The following SMG6 variants were observed in gnomAD, a reference collection of about 807,000 sequenced individuals.
The protein encoded by SMG6 is SMG6 nonsense mediated mRNA decay factor.
Under a neutral mutation model 142.2 loss-of-function variants are expected in SMG6, and 66 were observed. The observed-to-expected ratio is 0.46, with a 90% CI of 0.38 to 0.57. SMG6 has a LOEUF of 0.57. SMG6 is among the 20% of genes least tolerant of loss of function. The pLI is 0.00. For synonymous variants in SMG6, 779 were observed against 702.4 expected (o/e 1.11, Z -1.72); for missense variants, 1,793 against 1,832.0 (o/e 0.98, Z 0.39).
intron 6 of SMG6, among the ~76,000 whole-genome samples, chr17:2,287,371 GCTA>G (rs2074930727): frequency 6.6e-6 from 1 of 152,110 alleles, no homozygotes; most frequent in Non-Finnish European, 1.5e-5. Context: ...CACTACGATG[GCTA>G]CTATCAGAAA....
intron 13 of SMG6, among the ~76,000 whole-genome samples, chr17:2,106,855 G>A (rs189018250): frequency 4.7e-5 from 7 of 149,422 alleles, no homozygotes; most frequent in South Asian, 2.1e-4. Flanking sequence ...ACAGAGTCTC[G>A]GTTTGTCGCC....
chr17:2,068,890 G>A lies in SMG6; in HGVS notation c.3723C>T (p.Leu1241=), dbSNP rs1269073366. 35 of 1,614,072 alleles carry A rather than the reference G, an allele frequency of 2.2e-5. No individual in the cohort carries two copies. The highest frequency in any genetic ancestry group is 2.7e-5 in the Non-Finnish European group (32 of 1,180,024). The stretch of plus-strand genomic sequence containing the variant: ...GTACGAGGAACAAAGGTCTGATTTC[G>A]AGCTCCATCTGCCTCATCTGACTGT... ...EDHSQMRQME[L]EIRPLFLVPD... is the part of the protein sequence containing the mutation. Residue 1241 remains leucine, a synonymous_variant, in exon 16 of 19, where the codon CTC becomes CTT. Transcript: ENST00000263073. This position sits in a 1 kb window ranked among gnomAD's most constrained non-coding sequence, Gnocchi z 6.7.
chr17:2,293,009 C>T, intron 4 of SMG6, 32 bp from the exon 5 acceptor site: 1 of 1,466,374 alleles, frequency 6.8e-7, no homozygotes, highest in Admixed American at 1.7e-5. Flanking sequence ...AGTAGAAAAG[C>T]CAAGAAACAC....
At chr17:2,256,644 G>A (rs757374947) in intron 8 of SMG6, among the ~76,000 whole-genome samples, 22 of 152,088 alleles carry the variant, frequency 1.4e-4, no homozygotes, top group South Asian at 1.2e-3. Flanking sequence ...GCATGGTGGC[G>A]CACACCTGTA....
Position 2,303,688 on chromosome 17 carries a change from G to A in SMG6, c.33C>T (p.Ser11=), listed in dbSNP as rs1160052380. The A allele has an allele frequency of 4.0e-6, 6 of 1,496,524 alleles. No individual in the cohort carries two copies. Among genetic ancestry groups the A allele is most frequent in the African/African-American group, 2.9e-5 (2 of 68,860 alleles). The allele number at this position is 1,496,524 out of a possible 1,614,324, so 92.7% of individuals were successfully genotyped here. The change falls in exon 1 of 19, where the codon TCC becomes TCT. Residue 11 remains serine (S), a synonymous_variant. Transcript: ENST00000263073. MAEGLERVRI[S]ASELRGILAT... is the part of the protein sequence containing the mutation. ...CCAGGATCCCGCGCAGCTCCGACGC[G>A]GAGATCCGCACACGCTCCAGCCCTT...
intron 10 of SMG6, among the ~76,000 whole-genome samples, chr17:2,190,465 G>A (rs1446945087): frequency 6.6e-6 from 1 of 152,216 alleles, no homozygotes; most frequent in Admixed American, 6.5e-5. Context: ...GGATAAGACA[G>A]GGGAGGTTTC....
chr17:2,299,708 TGCCTCGATATTCTTTAG>T lies in SMG6; in HGVS notation c.1028_1044del (p.Ala343AspfsTer24). On this transcript the variant is annotated frameshift_variant, in exon 2 of 19. Transcript: ENST00000263073. LOFTEE classifies it high-confidence loss of function. This position sits in a 1 kb window ranked among gnomAD's most constrained non-coding sequence, Gnocchi z 4.3. ...TCTGCATCGAAAGTGACACGAAGAG[TGCCTCGATATTCTTTAG>T]CACTGTTTTTCTGCTCACCCTCCCC... 6.2e-7 allele frequency: 1 copy of T among 1,614,044 alleles called. No individual in the cohort carries two copies. Among genetic ancestry groups the T allele is most frequent in the South Asian group, 1.1e-5 (1 of 91,072 alleles).
At chr17:2,281,032 C>T (rs1446712018) in intron 8 of SMG6, among the ~76,000 whole-genome samples, 1 of 152,200 alleles carries the variant, frequency 6.6e-6, no homozygotes, top group African/African-American at 2.4e-5. Context: ...CTGGCCTGAG[C>T]AACAGAGACC....
rs1447306019 is a variant in SMG6 at position 2,299,692 on chromosome 17, A to G, written c.1061T>C (p.Phe354Ser). 1.2e-6 allele frequency: 2 copies of G among 1,614,098 alleles called. No homozygotes were observed. Among genetic ancestry groups the G allele is most frequent in the African/African-American group, 2.7e-5 (2 of 74,920 alleles). ...CTCTTTGTTCATGGCTTCTGCATCG[A>G]AAGTGACACGAAGAGTGCCTCGATA... is the stretch of plus-strand genomic sequence containing the variant. ...KEYRGTLRVT[F>S]DAEAMNKESP... Residue 354 changes from phenylalanine to serine, a missense_variant, in exon 2 of 19, where the codon TTC becomes TCC. Transcript: ENST00000263073. The surrounding 1 kb of genome is among the most constrained non-coding windows in gnomAD (Gnocchi z 4.3).
chr17:2,155,510 T>C (rs2070974141), intron 13 of SMG6, among the ~76,000 whole-genome samples: 1 of 152,146 alleles, frequency 6.6e-6, no homozygotes, highest in Admixed American at 6.5e-5. Context: ...GTATGCCTCT[T>C]ATAATGAGGT....
chr17:2,169,280 C>T (rs191718100), intron 13 of SMG6, among the ~76,000 whole-genome samples: 255 of 151,240 alleles, frequency 1.7e-3, no homozygotes, highest in Non-Finnish European at 2.7e-3. Context: ...CCACTTACTC[C>T]AGCCTGGGTG....
chr17:2,096,712 G>C (rs532929542), intron 13 of SMG6, among the ~76,000 whole-genome samples: 2 of 152,092 alleles, frequency 1.3e-5, no homozygotes, highest in African/African-American at 2.4e-5. Flanking sequence ...CAAATCTTTC[G>C]TAACGCCCTA....
chr17:2,212,109 ATGT>A (rs1157316737), intron 10 of SMG6, among the ~76,000 whole-genome samples: 2 of 152,212 alleles, frequency 1.3e-5, no homozygotes, highest in Non-Finnish European at 2.9e-5. Context: ...TTGAAAATAC[ATGT>A]TGTATGGTTT....
intron 4 of SMG6, among the ~76,000 whole-genome samples, chr17:2,296,077 G>A (rs966083389): frequency 3.9e-5 from 6 of 152,084 alleles, no homozygotes; most frequent in Non-Finnish European, 7.4e-5. Context: ...CCAAGTGACT[G>A]GTTCTAAGAA....
intron 10 of SMG6, among the ~76,000 whole-genome samples, chr17:2,196,859 C>G (rs77528874): frequency 1.3e-5 from 2 of 152,022 alleles, no homozygotes; most frequent in Admixed American, 6.5e-5. Context: ...CAAGACCCCA[C>G]CTCTTCTAAA....
At chr17:2,205,902 G>A (rs539117202) in intron 10 of SMG6, among the ~76,000 whole-genome samples, 78 of 152,100 alleles carry the variant, frequency 5.1e-4, no homozygotes, top group African/African-American at 1.8e-3. Flanking sequence ...TCTGCCTCCC[G>A]AGCTCAAGCA....
intron 13 of SMG6, among the ~76,000 whole-genome samples, chr17:2,130,266 CAAAAAAAAAAA>C (rs903007543): frequency 5.1e-5 from 2 of 39,532 alleles, no homozygotes; most frequent in African/African-American, 3.1e-4. Context: ...GACTCCGTCT[CAAAAAAAAAAA>C]AAAAAAAGAA....
At chr17:2,239,670 T>G (rs2073753978) in intron 9 of SMG6, among the ~76,000 whole-genome samples, 1 of 152,228 alleles carries the variant, frequency 6.6e-6, no homozygotes, top group Non-Finnish European at 1.5e-5. Context: ...AATTTTTTAT[T>G]TGTTCTTCTT....
At position 2,299,337 on chromosome 17, in the gene SMG6, G is replaced by T; in HGVS notation, c.1416C>A (p.Pro472=). The T allele has an allele frequency of 1.2e-6, 2 of 1,614,054 alleles. No individual in the cohort carries two copies. Among genetic ancestry groups the T allele is most frequent in the Non-Finnish European group, 1.7e-6 (2 of 1,180,024 alleles). Reference sequence around the variant, plus strand: ...CATCAGTGTCCAAGAAATGTAGCTGGGGCGTCTGAGTCTTTAGAGCAGGTT... The same window carrying T: ...CATCAGTGTCCAAGAAATGTAGCTGTGGCGTCTGAGTCTTTAGAGCAGGTT... ...DQKPALKTQT[P]QLHFLDTDDE... The change falls in exon 2 of 19, where the codon CCC becomes CCA. Residue 472 remains proline (P), a synonymous_variant. Coordinates refer to ENST00000263073, the MANE Select transcript of SMG6 (RefSeq NM_017575.5). The surrounding 1 kb of genome is among the most constrained non-coding windows in gnomAD (Gnocchi z 4.3).
Sources: gnomAD v4.1 joint callset for allele counts (sites outside exome capture counted in the v4.1 genomes callset) on GRCh38, gnomAD v4.1.1 for gene constraint, Gnocchi (gnomAD v3.1) non-coding constraint, MANE v1.5 for transcripts, NCBI Gene and HGNC (gene_info 2026-07-23, HGNC 2026-07-21) for gene names.